Variants in MYT1L observed in about 807,000 individuals in gnomAD.
MYT1L encodes myelin transcription factor 1 like.
MYT1L carries 12 observed loss-of-function variants against 126.7 expected under a neutral mutation model. The observed-to-expected ratio is 0.09, with a 90% confidence interval of 0.06 to 0.15. The LOEUF is 0.15. MYT1L is among the 10% of genes least tolerant of loss of function. The pLI, the probability that MYT1L is intolerant of heterozygous loss-of-function variation, is 1.00. For synonymous variants in MYT1L, 541 were observed against 604.2 expected (o/e 0.90, Z 1.53); for missense variants, 979 against 1,585.2 (o/e 0.62, Z 6.49).
Position 2,108,168 on chromosome 2 carries a change from C to G in MYT1L, c.-303-54045G>C, listed in dbSNP as rs150131419. On this transcript the variant is annotated intron_variant, in intron 3 of 24. Transcript: ENST00000647738. ...TGCTGTGAACGCCTCACCTGAGTGG[C>G]CTTCTAGACTAACCCACTGCTAGAG... 4.0e-3 allele frequency among the ~76,000 whole-genome samples: 603 copies of G among 152,262 alleles called. 4 individuals carry two copies. The highest frequency in any genetic ancestry group is 0.014 in the African/African-American group (575 of 41,550).
At chr2:2,308,605 C>T (rs970926045) in intron 1 of MYT1L, among the ~76,000 whole-genome samples, 5 of 151,890 alleles carry the variant, frequency 3.3e-5, no homozygotes, top group Admixed American at 1.3e-4. Flanking sequence ...GTACATTATA[C>T]CCATACTCCA....
intron 3 of MYT1L, among the ~76,000 whole-genome samples, chr2:2,109,000 C>A (rs749902707): frequency 1.3e-5 from 2 of 152,218 alleles, no homozygotes; most frequent in African/African-American, 2.4e-5. Flanking sequence ...CACTCCCTGT[C>A]TATACCCCAG....
intron 8 of MYT1L, among the ~76,000 whole-genome samples, chr2:1,971,897 C>T (rs2059835506): frequency 6.6e-6 from 1 of 152,184 alleles, no homozygotes; most frequent in South Asian, 2.1e-4. Context: ...CTCTTCTTCA[C>T]CCAAGTAAAC....
At position 2,070,262 on chromosome 2, in the gene MYT1L, TAAGGTAA is replaced by T. The variant is rs2074433404; in HGVS notation, c.-303-16146_-303-16140del. 2.0e-5 allele frequency among the ~76,000 whole-genome samples: 3 copies of T among 152,288 alleles called. No individual in the cohort carries two copies. In the South Asian group the frequency reaches 6.2e-4, roughly 32 times the overall value. On this transcript the variant is annotated intron_variant, in intron 3 of 24. Transcript: ENST00000647738. ...CAAAAGGAAAGTTCATATTTCCTGTTAAGGTAATCTACCCCATGTTTCCATTTTGCCA... is the reference window on the plus strand; with the variant it reads ...CAAAAGGAAAGTTCATATTTCCTGTTTCTACCCCATGTTTCCATTTTGCCA...
intron 8 of MYT1L, among the ~76,000 whole-genome samples, chr2:1,967,188 T>C (rs2059432778): frequency 6.6e-6 from 1 of 152,238 alleles, no homozygotes; most frequent in Admixed American, 6.5e-5. Context: ...TTGGTTTCTA[T>C]TGCCAATAAT....
intron 19 of MYT1L, among the ~76,000 whole-genome samples, chr2:1,847,601 G>A (rs2148482140): frequency 6.6e-6 from 1 of 152,262 alleles, no homozygotes; most frequent in Admixed American, 6.5e-5. Context: ...AGGTGAAGAA[G>A]TGGGCCTGGG....
intron 8 of MYT1L, among the ~76,000 whole-genome samples, chr2:1,948,209 A>G (rs1199541473): frequency 1.3e-5 from 2 of 152,222 alleles, no homozygotes; most frequent in Non-Finnish European, 2.9e-5. Flanking sequence ...TCTTGGATTC[A>G]GCGTAGCAAC....
chr2:2,107,901 C>T (rs564753479), intron 3 of MYT1L, among the ~76,000 whole-genome samples: 76 of 152,292 alleles, frequency 5.0e-4, no homozygotes, highest in African/African-American at 1.5e-3. Context: ...CACGGAGCTG[C>T]TTGTTCTGAA....
rs375638505 is a variant in MYT1L, at chr2:1,839,223, C to T, written c.3006G>A (p.Thr1002=). 4.3e-6 allele frequency: 7 copies of T among 1,613,686 alleles called. No homozygotes were observed. Among genetic ancestry groups the T allele is most frequent in the Admixed American group, 1.7e-5 (1 of 60,032 alleles). ...CTGGCGTGGGGCAGGACATGCCTTC[C>T]GTCTTGACCGACTTCCAGGAGAACT... ...GSQFSWKSVK[T]EGMSCPTPGC... The change falls in exon 21 of 25, where the codon ACG becomes ACA. Residue 1002 remains threonine (T), a synonymous_variant. Transcript: ENST00000647738.
chr2:2,194,941 TAAC>T (rs1161865783), intron 2 of MYT1L, among the ~76,000 whole-genome samples: 1 of 152,258 alleles, frequency 6.6e-6, no homozygotes, highest in African/African-American at 2.4e-5. Flanking sequence ...TCTTCAAACT[TAAC>T]TACCTGATGT....
chr2:1,874,035 G>A (rs542814318), intron 18 of MYT1L, among the ~76,000 whole-genome samples: 4 of 150,428 alleles, frequency 2.7e-5, no homozygotes, highest in East Asian at 3.9e-4. Flanking sequence ...ATCTACAGTC[G>A]GGGGAAGGAC....
intron 23 of MYT1L, among the ~76,000 whole-genome samples, chr2:1,794,638 G>T (rs1296794346): frequency 1.3e-5 from 2 of 152,120 alleles, no homozygotes; most frequent in East Asian, 3.9e-4. Flanking sequence ...TTCAACTTAT[G>T]TTCTCTGCTG....
chr2:2,041,826 T>C (rs2067579836), intron 4 of MYT1L, among the ~76,000 whole-genome samples: 1 of 152,190 alleles, frequency 6.6e-6, no homozygotes. Flanking sequence ...TCTTCCTACT[T>C]TAACCATCAT....
intron 18 of MYT1L, among the ~76,000 whole-genome samples, chr2:1,862,878 G>A (rs921856881): frequency 2.0e-5 from 3 of 152,150 alleles, no homozygotes; most frequent in African/African-American, 7.2e-5. Context: ...AGAGAGGTGA[G>A]TAGGGAAGAT....
intron 3 of MYT1L, among the ~76,000 whole-genome samples, chr2:2,058,176 C>T (rs866155350): frequency 6.6e-6 from 1 of 152,138 alleles, no homozygotes; most frequent in African/African-American, 2.4e-5. Context: ...CTGGCATTTG[C>T]CTAATAGTTG....
intron 3 of MYT1L, among the ~76,000 whole-genome samples, chr2:2,109,559 GA>G (rs199577790): frequency 4.0e-5 from 6 of 148,526 alleles, no homozygotes; most frequent in Admixed American, 2.0e-4. Context: ...GAAATTTCTG[GA>G]AAAAAAAACC....
In MYT1L at chr2:1,808,797, T is replaced by C. The variant is rs114790604; in HGVS notation, c.3172+279A>G. Among the ~76,000 whole-genome samples the C allele has an allele frequency of 3.5e-3, 534 of 152,308 alleles. 3 individuals are homozygous for C. Among genetic ancestry groups the C allele is most frequent in the African/African-American group, 0.012 (518 of 41,570 alleles). On this transcript the variant is annotated intron_variant, in intron 22 of 24. Transcript: ENST00000647738. ...GACACAGGCAGAAATGTGGGCACAC[T>C]GGGGTTCCAGGGAGTAAATCGTCCA...
intron 23 of MYT1L, among the ~76,000 whole-genome samples, chr2:1,797,280 A>G (rs1369120811): frequency 6.6e-6 from 1 of 151,904 alleles, no homozygotes; most frequent in African/African-American, 2.4e-5. Context: ...TTTCCCGCCC[A>G]TGGCGCGATC....
intron 2 of MYT1L, among the ~76,000 whole-genome samples, chr2:2,276,875 G>A (rs915356461): frequency 1.3e-5 from 2 of 152,134 alleles, no homozygotes; most frequent in African/African-American, 4.8e-5. Context: ...TGCATCCAAA[G>A]GAACACTCCT....
Sources: allele counts gnomAD v4.1 joint callset (sites outside exome capture counted in the v4.1 genomes callset), GRCh38; gene constraint gnomAD v4.1.1; transcripts MANE v1.5; gene names NCBI Gene and HGNC (gene_info 2026-07-23, HGNC 2026-07-21).